Variants in PEX1 observed in about 807,000 individuals in gnomAD.
The protein encoded by PEX1 is peroxisomal biogenesis factor 1, also known as peroxisomal ATPase PEX1.
Under a neutral mutation model 152.5 loss-of-function variants are expected in PEX1, and 97 were observed. The ratio of observed to expected loss-of-function variants is 0.64; its 90% confidence interval spans 0.54 to 0.75. The LOEUF (loss-of-function observed/expected upper bound fraction) is 0.75, where lower values mean the gene tolerates loss of function less well. Ranked by LOEUF, PEX1 falls within the 30% of genes least tolerant of loss-of-function variation. The pLI is 0.00. For synonymous variants in PEX1, 485 were observed against 531.6 expected (o/e 0.91, Z 1.21); for missense variants, 1,357 against 1,516.3 (o/e 0.89, Z 1.74).
intron 16 of PEX1, 141 bp downstream of exon 16, chr7:92,499,563 A>C: frequency 2.8e-6 from 2 of 705,072 alleles, no homozygotes; most frequent in Non-Finnish European, 4.9e-6. Context: ...GTGGAATGAA[A>C]AAGTTTTGAA....
In PEX1 at chr7:92,489,741, G is replaced by A. The variant is rs1791175075; in HGVS notation, c.3609C>T (p.Ile1203=). 4.3e-6 allele frequency: 7 copies of A among 1,614,080 alleles called. No individual in the cohort carries two copies. The highest frequency in any genetic ancestry group is 5.9e-6 in the Non-Finnish European group (7 of 1,179,958). The stretch of plus-strand genomic sequence containing the variant: ...CACTTTGGCTCCGGTATCTGCCTTT[G>A]ATAATACTGATATCTGCCCTCAGTT... ...RDQLRADISI[I]KGRYRSQSGE... Residue 1203 remains isoleucine (I), a synonymous_variant, in exon 22 of 24, where the codon ATC becomes ATT. Transcript: ENST00000248633.
In PEX1 at chr7:92,519,070, G is replaced by C. The variant is rs201368809; in HGVS notation, c.282C>G (p.Leu94=). 2.3e-5 allele frequency: 36 copies of C among 1,587,008 alleles called. No individual in the cohort carries two copies. The highest frequency in any genetic ancestry group is 2.9e-5 in the Non-Finnish European group (33 of 1,156,092). ...LGLSNGGQVF[L]KPCSHVVSCQ... ...AAGATACCACATGGGAACATGGCTT[G>C]AGAAATACCTAGAAAAAATTAAAAA... The change falls in exon 3 of 24, where the codon CTC becomes CTG. Residue 94 remains leucine (L), a synonymous_variant. Transcript: ENST00000248633.
intron 8 of PEX1, 49 bp from the exon 9 acceptor site, chr7:92,509,460 G>C (rs770051619): frequency 2.2e-6 from 3 of 1,378,084 alleles, no homozygotes; most frequent in Non-Finnish European, 3.1e-6. Context: ...TATGTCTTTT[G>C]CATGTTTTTC....
chr7:92,499,584 G>C, intron 16 of PEX1, 120 bp downstream of exon 16: 1 of 810,998 alleles, frequency 1.2e-6, no homozygotes, highest in South Asian at 1.5e-5. Context: ...ATTAGAGAGA[G>C]GTGGTGGTTG....
chr7:92,521,570 G>C (rs2116265172), intron 2 of PEX1, among the ~76,000 whole-genome samples: 1 of 152,090 alleles, frequency 6.6e-6, no homozygotes, highest in African/African-American at 2.4e-5. Flanking sequence ...GAGTAGCTGG[G>C]ATTACAGGCA....
In PEX1 at chr7:92,487,367, A is replaced by G; in HGVS notation, c.*90T>C. 1.4e-6 allele frequency: 1 copy of G among 711,450 alleles called. No individual in the cohort carries two copies. Among genetic ancestry groups the G allele is most frequent in the Non-Finnish European group, 2.5e-6 (1 of 402,418 alleles). The allele number at this position is 711,450 out of a possible 1,614,324, so 44.1% of individuals were successfully genotyped here. A position where few individuals can be genotyped will look rare whatever the true frequency, so the allele number is the denominator to read the frequency against. ...ATTAACCAAATTTGTTAAATTAAGAAGAAATTCATAGACACCATTTTTTTC... is the reference window on the plus strand; with the variant it reads ...ATTAACCAAATTTGTTAAATTAAGAGGAAATTCATAGACACCATTTTTTTC... On this transcript the variant is annotated 3_prime_UTR_variant, in exon 24 of 24. Transcript: ENST00000248633.
chr7:92,523,387 T>C (rs1465381058), intron 1 of PEX1, among the ~76,000 whole-genome samples: 1 of 151,892 alleles, frequency 6.6e-6, no homozygotes, highest in African/African-American at 2.4e-5. Context: ...ACTGGCACAA[T>C]CATAGGTCAC....
At chr7:92,516,903 G>A (rs958948152) in intron 5 of PEX1, among the ~76,000 whole-genome samples, 3 of 152,134 alleles carry the variant, frequency 2.0e-5, no homozygotes, top group Non-Finnish European at 4.4e-5. Context: ...GGTAACTGGG[G>A]AACAAATCTG....
Position 92,494,764 on chromosome 7 carries a change from C to A in PEX1, c.2784-135G>T, listed in dbSNP as rs577598558. Reference sequence around the variant, plus strand: ...TACTTCTTTTAATTTTTACAACAAACCCTTAAAGAAGGCAAGTTGTATGTA... The same window carrying A: ...TACTTCTTTTAATTTTTACAACAAAACCTTAAAGAAGGCAAGTTGTATGTA... On this transcript the variant is annotated intron_variant, in intron 17 of 23. Coordinates refer to ENST00000248633, the MANE Select transcript of PEX1 (RefSeq NM_000466.3). 4.0e-5 allele frequency: 18 copies of A among 452,092 alleles called. 1 individual carries two copies. In the South Asian group the frequency reaches 7.5e-4, roughly 19 times the overall value. 28.0% of individuals were successfully genotyped at this position (452,092 alleles called of 1,614,324 possible). A position where few individuals can be genotyped will look rare whatever the true frequency, so the allele number is the denominator to read the frequency against.
At chr7:92,505,011 A>G (rs1399786135) in intron 11 of PEX1, 109 bp from the exon 12 acceptor site, 8 of 798,820 alleles carry the variant, frequency 1.0e-5, no homozygotes, top group Non-Finnish European at 1.7e-5. Context: ...AACTATAAAA[A>G]TTTGATCTAT....
At chr7:92,528,075 T>C (rs923034482) in intron 1 of PEX1, among the ~76,000 whole-genome samples, 3 of 152,240 alleles carry the variant, frequency 2.0e-5, no homozygotes, top group African/African-American at 7.2e-5. Context: ...ATTAGGACGT[T>C]TCTAGGTTCA....
intron 5 of PEX1, among the ~76,000 whole-genome samples, chr7:92,514,953 G>T (rs1487362762): frequency 6.6e-6 from 1 of 151,422 alleles, no homozygotes; most frequent in Non-Finnish European, 1.5e-5. Context: ...GGAGGCTGAG[G>T]CAAGAGAATC....
chr7:92,520,866 A>G (rs892283617), intron 2 of PEX1, among the ~76,000 whole-genome samples: 1 of 152,266 alleles, frequency 6.6e-6, no homozygotes, highest in Non-Finnish European at 1.5e-5. Flanking sequence ...CATTCTTCCA[A>G]TCCTAAAGGT....
intron 7 of PEX1, 86 bp from the exon 8 acceptor site, chr7:92,511,133 G>T: frequency 2.7e-6 from 2 of 750,618 alleles, no homozygotes; most frequent in Non-Finnish European, 4.5e-6. Context: ...ATTTATTTAA[G>T]TTAAAGACTT....
chr7:92,506,103 C>CGAAAGACTTAAAATTT (rs1562857080), intron 11 of PEX1, 145 bp downstream of exon 11: 4 of 34,732 alleles, frequency 1.2e-4, no homozygotes, highest in Non-Finnish European at 1.9e-4. Flanking sequence ...CATTAGAAAG[C>CGAAAGACTTAAAATTT]CAAAGAAATT....
chr7:92,501,648 G>A lies in PEX1; in HGVS notation c.2442C>T (p.Phe814=), dbSNP rs145430946. The change falls in exon 15 of 24, where the codon TTC becomes TTT. Residue 814 remains phenylalanine (F), a synonymous_variant. Coordinates refer to ENST00000248633, the MANE Select transcript of PEX1 (RefSeq NM_000466.3). Reference sequence around the variant, plus strand: ...GAAGAAATCCGCGGAGAGCCTTTTGGAAGTCCAATGTTGTTAAAACTAATT... The same window carrying A: ...GAAGAAATCCGCGGAGAGCCTTTTGAAAGTCCAATGTTGTTAAAACTAATT... ...REKLVLTTLD[F]QKALRGFLPA... is the part of the protein sequence containing the mutation. 4,566 of 1,613,742 alleles carry A rather than the reference G, an allele frequency of 2.8e-3. 16 individuals are homozygous for A. The highest frequency in any genetic ancestry group is 0.025 in the Middle Eastern group (153 of 6,060).
Position 92,501,415 on chromosome 7 carries a change from G to A in PEX1, c.2583+92C>T, listed in dbSNP as rs111370768. ...TCAGTAAACACTTGTTGACTCACAC[G>A]GAGATTGGGCAAGCTGACACATAAA... On this transcript the variant is annotated intron_variant, in intron 15 of 23. Transcript: ENST00000248633. 112 of 972,654 alleles carry A rather than the reference G, an allele frequency of 1.2e-4. No individual in the cohort carries two copies. In the African/African-American group the frequency reaches 1.3e-3, roughly 11 times the overall value. The allele number at this position is 972,654 out of a possible 1,614,324, so 60.3% of individuals were successfully genotyped here.
At chr7:92,528,203 C>A in intron 1 of PEX1, 104 bp downstream of exon 1, 1 of 1,476,766 alleles carries the variant, frequency 6.8e-7, no homozygotes. Context: ...CTGCGCGCTT[C>A]GGCGGCGCCC....
chr7:92,509,215 A>G lies in PEX1; in HGVS notation c.1670+114T>C, dbSNP rs139315487. On this transcript the variant is annotated intron_variant, in intron 9 of 23. Transcript: ENST00000248633. ...TCCTTGAAAAAATATCTACTGATGC[A>G]TTATTAAGATCACTTATTGACATTA... The G allele has an allele frequency of 1.0e-3, 753 of 737,128 alleles. 6 individuals are homozygous for G. The African/African-American group carries it at 0.012, about 11-fold the overall frequency. The allele number at this position is 737,128 out of a possible 1,614,324, so 45.7% of individuals were successfully genotyped here. A position where few individuals can be genotyped will look rare whatever the true frequency, so the allele number is the denominator to read the frequency against.
Sources: gnomAD v4.1 joint callset for allele counts (sites outside exome capture counted in the v4.1 genomes callset) on GRCh38, gnomAD v4.1.1 for gene constraint, MANE v1.5 for transcripts, NCBI Gene and HGNC (gene_info 2026-07-23, HGNC 2026-07-21) for gene names.